The following BAZ2B variants were observed in gnomAD, a reference collection of about 807,000 sequenced individuals.
BAZ2B encodes the protein bromodomain adjacent to zinc finger domain 2B, also known as bromodomain adjacent to zinc finger domain protein 2B.
A neutral mutation model predicts 246.0 loss-of-function variants in BAZ2B; 91 were observed. The ratio of observed to expected loss-of-function variants is 0.37; its 90% CI spans 0.31 to 0.44. The LOEUF (loss-of-function observed/expected upper bound fraction) is 0.44. Among genes scored for constraint, BAZ2B ranks in the 20% least tolerant of loss-of-function variants. BAZ2B has a pLI of 1.00. For synonymous variants in BAZ2B, 855 were observed against 860.0 expected (o/e 0.99, Z 0.10); for missense variants, 2,332 against 2,533.7 (o/e 0.92, Z 1.71).
At chr2:159,385,478 C>T in intron 22 of BAZ2B, 109 bp from the exon 23 acceptor site, 5 of 856,528 alleles carry the variant, frequency 5.8e-6, no homozygotes, top group Non-Finnish European at 8.5e-6. Context: ...CTGACAAGAG[C>T]TTTATTCACT....
chr2:159,500,998 G>T (rs1403537307), intron 2 of BAZ2B, among the ~76,000 whole-genome samples: 5 of 145,628 alleles, frequency 3.4e-5, no homozygotes, highest in African/African-American at 1.3e-4. Context: ...GGCTGGGCAC[G>T]ATAGCTAATG....
intron 2 of BAZ2B, among the ~76,000 whole-genome samples, chr2:159,485,133 T>A (rs1479799520): frequency 6.6e-6 from 1 of 152,164 alleles, no homozygotes; most frequent in African/African-American, 2.4e-5. Flanking sequence ...AGTTCAATAT[T>A]TTCTAAAAAT....
At chr2:159,476,186 T>G (rs1037529285) in intron 3 of BAZ2B, among the ~76,000 whole-genome samples, 2 of 152,090 alleles carry the variant, frequency 1.3e-5, no homozygotes, top group Non-Finnish European at 2.9e-5. Context: ...TATGGGAGTT[T>G]TATCTGTAAG....
rs553336471 is a variant in BAZ2B, at chr2:159,386,863, T to C, written c.3217-256A>G. 7.2e-5 allele frequency among the ~76,000 whole-genome samples: 11 copies of C among 152,206 alleles called. No individual in the cohort carries two copies. In the South Asian group the frequency reaches 1.0e-3, roughly 14 times the overall value. On this transcript the variant is annotated intron_variant, in intron 21 of 36. Coordinates refer to ENST00000392783, the MANE Select transcript of BAZ2B (RefSeq NM_013450.4). ...GGTTGAACTCAATTATGAACTTAGA[T>C]CTTTGCAAAAGAGACATTAATTTTA...
rs769670617 is a variant in BAZ2B at position 159,428,022 on chromosome 2, T to A, written c.2385A>T (p.Ile795=). 2.5e-6 allele frequency: 4 copies of A among 1,613,244 alleles called. No homozygotes were observed. In the Admixed American group the frequency reaches 6.7e-5, roughly 27 times the overall value. Residue 795 remains isoleucine, a synonymous_variant, in exon 13 of 37, where the codon ATA becomes ATT. Coordinates refer to ENST00000392783, the MANE Select transcript of BAZ2B (RefSeq NM_013450.4). The part of the protein sequence containing the change: ...EVIKYLSRNG[I]MDISRDNFSF... ...TGAAATTGTCCCTTGAGATATCCAT[T>A]ATTCCATTTCTGCTGAGATACTGAA...
At position 159,373,081 on chromosome 2, in the gene BAZ2B, C is replaced by T. The variant is rs765426579; in HGVS notation, c.4177G>A (p.Gly1393Arg). The T allele has an allele frequency of 1.9e-6, 3 of 1,613,852 alleles. No individual in the cohort carries two copies. In the African/African-American group the frequency reaches 4.0e-5, roughly 22 times the overall value. ...RRRYWILPQC[G>R]GIFVEGMESG... ...TCCATGCCTTCTACAAAAATCCCCC[C>T]ACATTGGGGAAGAATCCAGTACCGG... Residue 1393 changes from glycine (G) to arginine (R), a missense_variant, in exon 27 of 37, where the codon GGG becomes AGG. By Grantham distance (125) the Gly-to-Arg change is moderately radical. This residue lies in a region of BAZ2B where 676 missense variants were observed against 668.6 expected (regional missense o/e 1.01). Coordinates refer to ENST00000392783, the MANE Select transcript of BAZ2B (RefSeq NM_013450.4).
At chr2:159,505,106 T>C (rs2082196258) in intron 2 of BAZ2B, among the ~76,000 whole-genome samples, 1 of 152,182 alleles carries the variant, frequency 6.6e-6, no homozygotes, top group Non-Finnish European at 1.5e-5. Context: ...TCATTGTAAA[T>C]GGAGGTAGTC....
At chr2:159,530,073 C>A (rs994023315) in intron 2 of BAZ2B, among the ~76,000 whole-genome samples, 1 of 152,162 alleles carries the variant, frequency 6.6e-6, no homozygotes, top group African/African-American at 2.4e-5. Flanking sequence ...ATAATTATAT[C>A]TTTAGAAAAT....
the BAZ2B span, among the ~76,000 whole-genome samples, chr2:159,680,585 G>T: frequency 1.3e-5 from 2 of 152,198 alleles, no homozygotes; most frequent in Non-Finnish European, 2.9e-5. Context: ...CAGTCCAAAA[G>T]CAGGCAGTGA....
chr2:159,623,159 GAGGAGGGA>G, the BAZ2B span, among the ~76,000 whole-genome samples: 1 of 150,854 alleles, frequency 6.6e-6, no homozygotes, highest in Non-Finnish European at 1.5e-5. Flanking sequence ...AAGAAGGAGG[GAGGAGGGA>G]AGGAGGGAAG....
the BAZ2B span, among the ~76,000 whole-genome samples, chr2:159,672,163 G>T: frequency 6.6e-6 from 1 of 151,894 alleles, no homozygotes; most frequent in Non-Finnish European, 1.5e-5. Context: ...TTTTCTAGTT[G>T]CAACAAAATA....
the BAZ2B span, among the ~76,000 whole-genome samples, chr2:159,649,414 C>T: frequency 1.3e-5 from 2 of 152,116 alleles, no homozygotes; most frequent in Non-Finnish European, 2.9e-5. Flanking sequence ...GAATCTAATG[C>T]TACCACTGAT....
the BAZ2B span, among the ~76,000 whole-genome samples, chr2:159,690,547 A>G: frequency 2.2e-4 from 33 of 152,154 alleles, no homozygotes; most frequent in Admixed American, 1.3e-4. Flanking sequence ...TCTGAATGCC[A>G]ATTTTATAGG....
Position 159,382,594 on chromosome 2 carries a change from T to C in BAZ2B, c.3970A>G (p.Lys1324Glu). 1 of 1,553,174 alleles carries C rather than the reference T, an allele frequency of 6.4e-7. No individual in the cohort carries two copies. Among genetic ancestry groups the C allele is most frequent in the East Asian group, 2.4e-5 (1 of 41,058 alleles). Residue 1324 changes from lysine (K) to glutamate (E), a missense_variant, in exon 25 of 37, where the codon AAA becomes GAA. Around this residue, in one of 9 missense-constraint regions of BAZ2B, gnomAD observed 676 missense variants for 668.6 expected, o/e 1.01. Coordinates refer to ENST00000392783, the MANE Select transcript of BAZ2B (RefSeq NM_013450.4). ...DDEDEEDKED[K>E]KGKKTDICED... The stretch of plus-strand genomic sequence containing the variant: ...CAGATATCAGTCTTTTTTCCTTTTT[T>C]GTCTTCTTTATCTTCTTCATCCTCA...
intron 4 of BAZ2B, 89 bp from the exon 5 acceptor site, chr2:159,448,498 A>T: frequency 6.9e-7 from 1 of 1,442,934 alleles, no homozygotes; most frequent in Non-Finnish European, 9.2e-7. Flanking sequence ...TATTTAAAAA[A>T]ATTTCAAGTT....
rs567509887 is a variant in BAZ2B, at chr2:159,367,843, G to A, written c.4213+5202C>T. ...GTGGAGCTTGCAGTGAGCCAAGATC[G>A]CGCCACTGCACTCCAGCCTGGGAGA... On this transcript the variant is annotated intron_variant, in intron 27 of 36. Transcript: ENST00000392783. Among the ~76,000 whole-genome samples the A allele has an allele frequency of 3.4e-4, 51 of 152,058 alleles. No individual in the cohort carries two copies. In the South Asian group the frequency reaches 8.9e-3, roughly 27 times the overall value.
chr2:159,400,177 C>T (rs886247745), intron 17 of BAZ2B, among the ~76,000 whole-genome samples: 1 of 152,160 alleles, frequency 6.6e-6, no homozygotes, highest in Non-Finnish European at 1.5e-5. Flanking sequence ...ATGCTAGAAA[C>T]CAGAAAAACA....
chr2:159,689,289 CT>C, the BAZ2B span: 3 of 458,102 alleles, frequency 6.5e-6, no homozygotes, highest in South Asian at 2.0e-5. Context: ...TCCCCAGTGG[CT>C]TTTCCAGTAC....
At chr2:159,661,477 C>T in the BAZ2B span, among the ~76,000 whole-genome samples, 418 of 152,244 alleles carry the variant, frequency 2.7e-3, 3 homozygotes, top group African/African-American at 9.6e-3. Context: ...GTGAATGAAT[C>T]ATGTGGTTGG....
Sources: gnomAD v4.1 joint callset for allele counts (sites outside exome capture counted in the v4.1 genomes callset) on GRCh38, gnomAD v4.1.1 for gene constraint, gnomAD v4.1.1 regional missense constraint, MANE v1.5 for transcripts, NCBI Gene and HGNC (gene_info 2026-07-23, HGNC 2026-07-21) for gene names.